The following OTUD7B variants were observed in gnomAD, a reference collection of about 807,000 sequenced individuals.
OTUD7B encodes OTU deubiquitinase 7B.
In OTUD7B, 34 loss-of-function variants were observed where a neutral mutation model predicts 82.2. The observed-to-expected ratio is 0.41, with a 90% confidence interval of 0.31 to 0.55. The LOEUF (loss-of-function observed/expected upper bound fraction) is 0.55, where lower values mean the gene tolerates loss of function less well. Among genes scored for constraint, OTUD7B ranks in the 20% least tolerant of loss-of-function variants. The probability of loss-of-function intolerance (pLI) is 0.20; values close to 1 mark genes in which losing one functional copy is unlikely to be tolerated. For missense variants in OTUD7B, 944 were observed against 1,062.1 expected (o/e 0.89, Z 1.55); for synonymous variants, 398 against 402.7 (o/e 0.99, Z 0.14).
At chr1:150,027,706 T>C in the OTUD7B span, among the ~76,000 whole-genome samples, 1 of 152,124 alleles carries the variant, frequency 6.6e-6, no homozygotes. Flanking sequence ...TAGTGTCCTT[T>C]AGTGCTAAAA....
the OTUD7B span, among the ~76,000 whole-genome samples, chr1:150,041,297 A>G: frequency 5.3e-5 from 8 of 152,190 alleles, no homozygotes; most frequent in Admixed American, 3.9e-4. Context: ...TTCTGTGATT[A>G]TATGTCCTTT....
the OTUD7B span, among the ~76,000 whole-genome samples, chr1:150,057,806 T>C: frequency 2.6e-5 from 4 of 152,250 alleles, no homozygotes; most frequent in African/African-American, 9.6e-5. Context: ...ATTATCATAA[T>C]GTTTTAAACA....
intron 1 of OTUD7B, among the ~76,000 whole-genome samples, chr1:150,008,835 A>C (rs920673646): frequency 6.6e-6 from 1 of 152,196 alleles, no homozygotes; most frequent in Non-Finnish European, 1.5e-5. Context: ...CTTCTTAATT[A>C]TTCCTAGTAT....
Position 149,943,108 on chromosome 1 carries a change from C to T in OTUD7B, c.*749G>A, listed in dbSNP as rs1004067092. ...CCACACTCTTCCCTTTAAACAAATA[C>T]AATTAAAGACTTAGATGAGGAAAAG... is the stretch of plus-strand genomic sequence containing the variant. On this transcript the variant is annotated 3_prime_UTR_variant, in exon 12 of 12. Transcript: ENST00000581312. 1 of 152,548 alleles carries T rather than the reference C, an allele frequency of 6.6e-6. No homozygotes were observed. Among genetic ancestry groups the T allele is most frequent in the Non-Finnish European group, 1.5e-5 (1 of 68,054 alleles). 9.4% of individuals were successfully genotyped at this position (152,548 alleles called of 1,614,324 possible).
At position 149,968,403 on chromosome 1, in the gene OTUD7B, T is replaced by C. The variant is rs1167548316; in HGVS notation, c.275-882A>G. On this transcript the variant is annotated intron_variant, in intron 3 of 11. Transcript: ENST00000581312. The stretch of plus-strand genomic sequence containing the variant: ...ATCAGAAATTTATAGGGACAGTCAA[T>C]TCTTAACAGTCTATAGAGAACAATA... Among the ~76,000 whole-genome samples, 5 of 152,180 alleles carry C rather than the reference T, an allele frequency of 3.3e-5. No homozygotes were observed. In the East Asian group the frequency reaches 7.7e-4, roughly 23 times the overall value.
chr1:149,977,461 C>T lies in OTUD7B; in HGVS notation c.50G>A (p.Gly17Glu). Residue 17 changes from glycine to glutamate, a missense_variant, in exon 2 of 12, where the codon GGA becomes GAA. Around this residue, in one of 3 missense-constraint regions of OTUD7B, gnomAD observed 530 missense variants for 625.6 expected, o/e 0.85. Coordinates refer to ENST00000581312, the MANE Select transcript of OTUD7B (RefSeq NM_020205.4). ...ATCTCGCGCTAGCCCTGGCTCTGCTCCTGTGGAACGGACAAAATCTGACAG... is the reference window on the plus strand; with the variant it reads ...ATCTCGCGCTAGCCCTGGCTCTGCTTCTGTGGAACGGACAAAATCTGACAG... ...AVLSDFVRST[G>E]AEPGLARDLL... 1 of 1,614,114 alleles carries T rather than the reference C, an allele frequency of 6.2e-7. No homozygotes were observed. The highest frequency in any genetic ancestry group is 8.5e-7 in the Non-Finnish European group (1 of 1,179,990).
At chr1:150,023,207 C>T in the OTUD7B span, among the ~76,000 whole-genome samples, 10 of 152,242 alleles carry the variant, frequency 6.6e-5, no homozygotes, top group Admixed American at 5.9e-4. Context: ...TAAATTTGTA[C>T]AACCATTTTG....
rs781905081 is a variant in OTUD7B, at chr1:149,971,064, T to C, written c.273A>G (p.Gln91=). 20 of 1,603,572 alleles carry C rather than the reference T, an allele frequency of 1.2e-5. No individual in the cohort carries two copies. The South Asian group carries it at 1.9e-4, about 15-fold the overall frequency. ...PILQRQDDIV[Q]EKRLSRGISH... ...GAAACATTCCAGTCACCCCAGTACC[T>C]TGAACGATGTCATCCTGCCGCTGGA... The change falls in exon 3 of 12, where the codon CAA becomes CAG. Residue 91 remains glutamine, a splice_region_variant and synonymous_variant. Coordinates refer to ENST00000581312, the MANE Select transcript of OTUD7B (RefSeq NM_020205.4).
the OTUD7B span, among the ~76,000 whole-genome samples, chr1:150,052,465 G>A: frequency 6.6e-6 from 1 of 152,130 alleles, no homozygotes; most frequent in Non-Finnish European, 1.5e-5. Context: ...AACCAGGGAG[G>A]TGAAAGATCT....
At chr1:149,963,614 C>T (rs1473937434) in intron 6 of OTUD7B, 1 of 149,574 alleles carries the variant, frequency 6.7e-6, no homozygotes, top group African/African-American at 2.5e-5. Flanking sequence ...TTGGAGAGGG[C>T]AAGTACAAAC....
the OTUD7B span, among the ~76,000 whole-genome samples, chr1:150,066,057 C>T: frequency 2.6e-5 from 4 of 152,044 alleles, no homozygotes; most frequent in Admixed American, 6.6e-5. This position sits in a 1 kb window ranked among gnomAD's most constrained non-coding sequence, Gnocchi z 4.6. Flanking sequence ...TAAAAAGGCA[C>T]GAATTTCATA....
rs587700067 is a variant in OTUD7B, at chr1:149,964,164, T to C, written c.732+58A>G. 16 of 1,593,682 alleles carry C rather than the reference T, an allele frequency of 1.0e-5. No individual in the cohort carries two copies. The East Asian group carries it at 3.6e-4, about 36-fold the overall frequency. ...ATATTTTCTACTGGCAGGCACCCAGTGACTTTGGCAGCTTGGTAACTTTAG... is the reference window on the plus strand; with the variant it reads ...ATATTTTCTACTGGCAGGCACCCAGCGACTTTGGCAGCTTGGTAACTTTAG... On this transcript the variant is annotated intron_variant, in intron 6 of 11. Coordinates refer to ENST00000581312, the MANE Select transcript of OTUD7B (RefSeq NM_020205.4).
the OTUD7B span, among the ~76,000 whole-genome samples, chr1:150,047,435 A>G: frequency 6.6e-6 from 1 of 152,068 alleles, no homozygotes; most frequent in African/African-American, 2.4e-5. Flanking sequence ...ACTATATATT[A>G]TGCTTATTTT....
chr1:149,945,866 G>A (rs1265365847), intron 11 of OTUD7B, among the ~76,000 whole-genome samples: 1 of 151,894 alleles, frequency 6.6e-6, no homozygotes, highest in Non-Finnish European at 1.5e-5. Context: ...TTCCAGACCA[G>A]CCTGACCAAC....
intron 1 of OTUD7B, among the ~76,000 whole-genome samples, chr1:150,002,497 T>C (rs1652362789): frequency 6.6e-6 from 1 of 152,212 alleles, no homozygotes; most frequent in African/African-American, 2.4e-5. Flanking sequence ...CCTAGGAAAA[T>C]ACCTCTATTC....
chr1:149,974,552 T>TC, intron 2 of OTUD7B, among the ~76,000 whole-genome samples: 1 of 32,756 alleles, frequency 3.1e-5, no homozygotes, highest in African/African-American at 9.3e-5. Flanking sequence ...CTTAGTTAAC[T>TC]TTTTTTTTTT....
At chr1:149,959,149 A>G (rs1648949222) in intron 7 of OTUD7B, among the ~76,000 whole-genome samples, 1 of 151,850 alleles carries the variant, frequency 6.6e-6, no homozygotes, top group Non-Finnish European at 1.5e-5. Flanking sequence ...TGAACCCTGA[A>G]GGCAGAGGTT....
At position 149,964,302 on chromosome 1, in the gene OTUD7B, A is replaced by G. The variant is rs1649365935; in HGVS notation, c.652T>C (p.Tyr218His). Residue 218 changes from tyrosine to histidine, a missense_variant, in exon 6 of 12, where the codon TAT becomes CAT. Physicochemically the swap from Tyr to His is moderately conservative, Grantham distance 83. Around this residue, in one of 3 missense-constraint regions of OTUD7B, gnomAD observed 530 missense variants for 625.6 expected, o/e 0.85. Coordinates refer to ENST00000581312, the MANE Select transcript of OTUD7B (RefSeq NM_020205.4). Reference protein sequence around the residue: ...DRDLMLRKALYALMEKGVEKE... With the variant: ...DRDLMLRKALHALMEKGVEKE... ...TCAACTCCCTTCTCCATCAGTGCAT[A>G]CAAAGCTTTCCGCAGCATCAAGTCC... is the stretch of plus-strand genomic sequence containing the variant. The G allele has an allele frequency of 6.2e-7, 1 of 1,613,986 alleles. No individual in the cohort carries two copies. Among genetic ancestry groups the G allele is most frequent in the Admixed American group, 1.7e-5 (1 of 59,992 alleles).
chr1:149,986,273 A>ACACACACACG (rs1228786112), intron 1 of OTUD7B, among the ~76,000 whole-genome samples: 2,809 of 151,266 alleles, frequency 0.019, 76 homozygotes, highest in African/African-American at 0.062. Context: ...ACACACACAC[A>ACACACACACG]GTACTGTTGA....
Sources: allele counts gnomAD v4.1 joint callset (sites outside exome capture counted in the v4.1 genomes callset), GRCh38; gene constraint gnomAD v4.1.1; regional missense constraint gnomAD v4.1.1; non-coding constraint Gnocchi (gnomAD v3.1); transcripts MANE v1.5; gene names NCBI Gene and HGNC (gene_info 2026-07-23, HGNC 2026-07-21).